KHDRBS2: variants seen among roughly 807,000 people sequenced by gnomAD.
KHDRBS2 encodes the protein KH RNA binding domain containing, signal transduction associated 2, also known as KH domain-containing, RNA-binding, signal transduction-associated protein 2.
A neutral mutation model predicts 44.3 loss-of-function variants in KHDRBS2; 26 were observed. The ratio of observed to expected loss-of-function variants is 0.59; its 90% CI spans 0.43 to 0.81. The LOEUF is 0.81. Ranked by LOEUF, KHDRBS2 falls within the 40% of genes least tolerant of loss-of-function variation. The pLI is 0.00. For synonymous variants in KHDRBS2, 194 were observed against 151.1 expected (o/e 1.28, Z -2.08); for missense variants, 476 against 433.1 (o/e 1.10, Z -0.88).
chr6:62,038,226 T>G (rs184813940), intron 3 of KHDRBS2, among the ~76,000 whole-genome samples: 25 of 152,164 alleles, frequency 1.6e-4, no homozygotes, highest in Admixed American at 1.5e-3. Flanking sequence ...TTTTCCTCAG[T>G]GTTTTTGACT....
intron 8 of KHDRBS2, among the ~76,000 whole-genome samples, chr6:61,682,411 A>G (rs1766402410): frequency 1.3e-5 from 2 of 151,898 alleles, no homozygotes; most frequent in Admixed American, 6.6e-5. Context: ...AAATAGGAGT[A>G]AGAAAGAAAT....
chr6:62,078,356 G>T (rs1260288892), intron 2 of KHDRBS2, among the ~76,000 whole-genome samples: 1 of 151,912 alleles, frequency 6.6e-6, no homozygotes, highest in Non-Finnish European at 1.5e-5. Context: ...AAAGTTTTCA[G>T]AAATTTATCA....
At chr6:61,698,251 C>T (rs920695696) in intron 7 of KHDRBS2, among the ~76,000 whole-genome samples, 3 of 152,144 alleles carry the variant, frequency 2.0e-5, no homozygotes, top group African/African-American at 7.2e-5. Flanking sequence ...TTCATTTCTT[C>T]ATTTTTCCCT....
At chr6:61,791,143 A>G (rs1293212425) in intron 6 of KHDRBS2, among the ~76,000 whole-genome samples, 1 of 150,988 alleles carries the variant, frequency 6.6e-6, no homozygotes, top group East Asian at 1.9e-4. Flanking sequence ...TTTTTTTATT[A>G]TTTAAATCAG....
intron 2 of KHDRBS2, among the ~76,000 whole-genome samples, chr6:62,161,315 C>A (rs1419016195): frequency 3.3e-5 from 5 of 151,540 alleles, no homozygotes; most frequent in African/African-American, 1.2e-4. Context: ...CACAATTCCA[C>A]ATCTATTAAT....
At chr6:61,552,747 C>A in the KHDRBS2 span, among the ~76,000 whole-genome samples, 7 of 152,112 alleles carry the variant, frequency 4.6e-5, no homozygotes, top group East Asian at 1.4e-3. Context: ...CTGCATGTAA[C>A]AAAATAATCA....
At chr6:61,577,851 T>G in the KHDRBS2 span, among the ~76,000 whole-genome samples, 1 of 152,194 alleles carries the variant, frequency 6.6e-6, no homozygotes, top group Non-Finnish European at 1.5e-5. Flanking sequence ...ATGAGAGCTG[T>G]AAACATTTTA....
chr6:61,722,704 T>C (rs1772857309), intron 7 of KHDRBS2, among the ~76,000 whole-genome samples: 2 of 145,264 alleles, frequency 1.4e-5, no homozygotes, highest in Admixed American at 1.4e-4. Flanking sequence ...TGATTCTAAT[T>C]ATATATTTCT....
intron 1 of KHDRBS2, among the ~76,000 whole-genome samples, chr6:62,279,069 G>A (rs1841424214): frequency 6.6e-6 from 1 of 152,028 alleles, no homozygotes; most frequent in African/African-American, 2.4e-5. Context: ...ACTCCAGCCT[G>A]GGTGACAGAG....
At chr6:61,703,078 A>G (rs568889167) in intron 7 of KHDRBS2, among the ~76,000 whole-genome samples, 4 of 151,866 alleles carry the variant, frequency 2.6e-5, no homozygotes, top group African/African-American at 9.7e-5. Flanking sequence ...CTTAATCACT[A>G]TATTTCTAGA....
intron 1 of KHDRBS2, among the ~76,000 whole-genome samples, chr6:62,243,214 G>A (rs1380786359): frequency 6.6e-6 from 1 of 151,814 alleles, no homozygotes; most frequent in Non-Finnish European, 1.5e-5. Context: ...ATGTATGTAT[G>A]TATCTATCTA....
chr6:62,267,937 G>A (rs962838560), intron 1 of KHDRBS2, among the ~76,000 whole-genome samples: 3 of 151,876 alleles, frequency 2.0e-5, no homozygotes, highest in African/African-American at 4.8e-5. Flanking sequence ...AGACGAAATC[G>A]ATATTTATAT....
the KHDRBS2 span, among the ~76,000 whole-genome samples, chr6:61,570,542 C>T: frequency 1.3e-5 from 2 of 152,146 alleles, no homozygotes; most frequent in South Asian, 2.1e-4. Context: ...GAAATCTAGA[C>T]ATCATCTAAA....
intron 2 of KHDRBS2, among the ~76,000 whole-genome samples, chr6:62,057,754 T>C (rs186260243): frequency 6.6e-6 from 1 of 152,092 alleles, no homozygotes; most frequent in East Asian, 1.9e-4. Context: ...AGGTATTTTA[T>C]TCACACGTGT....
intron 3 of KHDRBS2, among the ~76,000 whole-genome samples, chr6:61,984,098 A>G (rs968149374): frequency 6.6e-6 from 1 of 152,130 alleles, no homozygotes; most frequent in Admixed American, 6.5e-5. Context: ...CCACTCAAAA[A>G]TTTCACCAGA....
the KHDRBS2 span, among the ~76,000 whole-genome samples, chr6:61,627,390 T>C: frequency 6.6e-6 from 1 of 152,192 alleles, no homozygotes; most frequent in African/African-American, 2.4e-5. Flanking sequence ...CATAAACACC[T>C]GAGTTTATGC....
rs70993181 is a variant in KHDRBS2 at position 61,751,943 on chromosome 6, CTG to C, written c.811-19181_811-19180del. The stretch of plus-strand genomic sequence containing the variant: ...CTCTTTCCTCTGTGTACACACTTCT[CTG>C]TGTGTGTGTGTGTGTCATAATCTCC... On this transcript the variant is annotated intron_variant, in intron 6 of 8. Transcript: ENST00000281156. Among the ~76,000 whole-genome samples, 425 of 150,966 alleles carry C rather than the reference CTG, an allele frequency of 2.8e-3. 5 individuals are homozygous for C. The highest frequency in any genetic ancestry group is 1.0e-2 in the African/African-American group (410 of 41,198).
chr6:62,122,312 T>C lies in KHDRBS2; in HGVS notation c.219+54873A>G, dbSNP rs140663048. On this transcript the variant is annotated intron_variant, in intron 2 of 8. Coordinates refer to ENST00000281156, the MANE Select transcript of KHDRBS2 (RefSeq NM_152688.4). ...GCAGATAACCATCCTCCTTTCGACA[T>C]GCACCTCTTGGCTTGTTATCGGGCT... is the stretch of plus-strand genomic sequence containing the variant. Among the ~76,000 whole-genome samples, 584 of 152,258 alleles carry C rather than the reference T, an allele frequency of 3.8e-3. 2 individuals are homozygous for C. Among genetic ancestry groups the C allele is most frequent in the African/African-American group, 0.014 (564 of 41,556 alleles).
In KHDRBS2 at chr6:62,069,943, C is replaced by T. The variant is rs140040679; in HGVS notation, c.220-21949G>A. Among the ~76,000 whole-genome samples, 49 of 151,666 alleles carry T rather than the reference C, an allele frequency of 3.2e-4. No individual in the cohort carries two copies. The East Asian group carries it at 9.6e-3, about 30-fold the overall frequency. On this transcript the variant is annotated intron_variant, in intron 2 of 8. Transcript: ENST00000281156. ...CATACATTTTATGCATTGATGGATA[C>T]CCTTTCTCTGGATAAGGTCATTCCT...
Sources: gnomAD v4.1 joint callset for allele counts (sites outside exome capture counted in the v4.1 genomes callset) on GRCh38, gnomAD v4.1.1 for gene constraint, MANE v1.5 for transcripts, NCBI Gene and HGNC (gene_info 2026-07-23, HGNC 2026-07-21) for gene names.